SCAPER: variants seen among roughly 807,000 people sequenced by gnomAD.
The protein encoded by SCAPER is S phase cyclin A-associated protein in the endoplasmic reticulum.
In SCAPER, 98 loss-of-function variants were observed where a neutral mutation model predicts 182.2. That is an observed-to-expected ratio of 0.54 (90% CI 0.46 to 0.64). The LOEUF is 0.64. Among genes scored for constraint, SCAPER ranks in the 30% least tolerant of loss-of-function variants. The pLI, the probability that SCAPER is intolerant of heterozygous loss-of-function variation, is 0.00. For missense variants in SCAPER, 1,432 were observed against 1,690.0 expected (o/e 0.85, Z 2.68); for synonymous variants, 605 against 564.6 (o/e 1.07, Z -1.01).
rs1051654453 is a variant in SCAPER, at chr15:76,507,694, G to A, written c.2839-2720C>T. Among the ~76,000 whole-genome samples the A allele has an allele frequency of 9.2e-5, 14 of 152,160 alleles. 2 individuals are homozygous for A. The South Asian group carries it at 2.5e-3, about 27-fold the overall frequency. The stretch of plus-strand genomic sequence containing the variant: ...TCTTAATCATTCAATTGCTCTTTGT[G>A]CACAATAAAATACATTTTGTGACTA... On this transcript the variant is annotated intron_variant, in intron 23 of 31. Coordinates refer to ENST00000563290, the MANE Select transcript of SCAPER (RefSeq NM_020843.4).
chr15:76,378,112 G>A (rs1457301627), intron 28 of SCAPER, among the ~76,000 whole-genome samples: 1 of 152,230 alleles, frequency 6.6e-6, no homozygotes, highest in Non-Finnish European at 1.5e-5. Context: ...ATGGCTCAAA[G>A]TCAGGTCATT....
At chr15:76,424,499 A>G (rs778939687) in intron 26 of SCAPER, among the ~76,000 whole-genome samples, 4 of 151,832 alleles carry the variant, frequency 2.6e-5, no homozygotes, top group Non-Finnish European at 4.4e-5. Context: ...CTTTATTTTG[A>G]GCCTATGTGT....
At chr15:76,386,400 G>C (rs1379217438) in intron 27 of SCAPER, among the ~76,000 whole-genome samples, 7 of 152,262 alleles carry the variant, frequency 4.6e-5, no homozygotes, top group African/African-American at 1.4e-4. Flanking sequence ...CAACTATGTG[G>C]CAAGCCCTAT....
At chr15:76,565,076 C>T (rs1693115522) in intron 23 of SCAPER, among the ~76,000 whole-genome samples, 1 of 152,078 alleles carries the variant, frequency 6.6e-6, no homozygotes, top group Admixed American at 6.6e-5. Context: ...TGGAAGACAA[C>T]CTAGGCAATA....
Position 76,830,143 on chromosome 15 carries a change from T to C in SCAPER, c.393+11591A>G, listed in dbSNP as rs187593268. 5.3e-5 allele frequency among the ~76,000 whole-genome samples: 8 copies of C among 151,530 alleles called. No homozygotes were observed. In the East Asian group the frequency reaches 1.6e-3, roughly 30 times the overall value. ...TGTTCTGGGCGGAAAAATTAGAACA[T>C]GGAAAGGCCAGGAAACATGCAAGGA... On this transcript the variant is annotated intron_variant, in intron 5 of 31. Transcript: ENST00000563290.
chr15:76,810,542 A>G (rs951058250), intron 5 of SCAPER, among the ~76,000 whole-genome samples: 9 of 120,862 alleles, frequency 7.4e-5, no homozygotes, highest in Non-Finnish European at 1.4e-4. Flanking sequence ...GCAATACAAA[A>G]AAAAAAAACC....
intron 17 of SCAPER, among the ~76,000 whole-genome samples, chr15:76,713,937 A>G (rs534650510): frequency 6.6e-6 from 1 of 152,196 alleles, no homozygotes; most frequent in Non-Finnish European, 1.5e-5. Flanking sequence ...ATATGCAAAC[A>G]TCCATATCAG....
At chr15:76,898,748 G>A (rs919069837) in intron 1 of SCAPER, among the ~76,000 whole-genome samples, 2 of 152,204 alleles carry the variant, frequency 1.3e-5, no homozygotes, top group African/African-American at 4.8e-5. Context: ...ATAAGATGGG[G>A]AAGTAGGGAG....
intron 23 of SCAPER, among the ~76,000 whole-genome samples, chr15:76,515,153 A>T (rs1264385588): frequency 6.6e-6 from 1 of 152,208 alleles, no homozygotes; most frequent in Non-Finnish European, 1.5e-5. Context: ...AAGCTTTCTC[A>T]GTATCAGAGG....
chr15:76,495,973 G>A (rs2040463008), intron 24 of SCAPER, among the ~76,000 whole-genome samples: 1 of 145,794 alleles, frequency 6.9e-6, no homozygotes, highest in African/African-American at 2.6e-5. Flanking sequence ...GGGAGAAAGA[G>A]AAAGAAAGCA....
intron 25 of SCAPER, among the ~76,000 whole-genome samples, chr15:76,456,071 G>A (rs895637229): frequency 6.6e-6 from 1 of 152,126 alleles, no homozygotes; most frequent in Non-Finnish European, 1.5e-5. Context: ...GTCTATCATT[G>A]ATGAGCATTT....
intron 23 of SCAPER, among the ~76,000 whole-genome samples, chr15:76,532,063 C>T (rs2043722872): frequency 6.6e-6 from 1 of 151,672 alleles, no homozygotes; most frequent in Non-Finnish European, 1.5e-5. Context: ...ATATTTTTTC[C>T]CCTTCTTTTC....
intron 22 of SCAPER, among the ~76,000 whole-genome samples, chr15:76,583,514 C>T (rs561918640): frequency 3.3e-5 from 5 of 152,236 alleles, no homozygotes; most frequent in African/African-American, 1.2e-4. Context: ...TATTTACAAA[C>T]TATCCATCTG....
intron 26 of SCAPER, among the ~76,000 whole-genome samples, chr15:76,420,352 A>G (rs2045944665): frequency 6.7e-6 from 1 of 149,684 alleles, no homozygotes; most frequent in Admixed American, 6.8e-5. Flanking sequence ...AGCTGGGACT[A>G]CAGATGCACA....
At chr15:76,550,394 T>C (rs920563806) in intron 23 of SCAPER, among the ~76,000 whole-genome samples, 4 of 152,178 alleles carry the variant, frequency 2.6e-5, no homozygotes, top group African/African-American at 7.2e-5. Context: ...CCTTCATGTG[T>C]CCATGTGTTC....
At chr15:76,887,262 G>A (rs12916324) in intron 1 of SCAPER, among the ~76,000 whole-genome samples, 58,132 of 152,046 alleles carry the variant, frequency 0.38, 13,122 homozygotes, top group Middle Eastern at 0.53. Context: ...TGATTTCTGC[G>A]TTTCCAACTG....
At position 76,430,208 on chromosome 15, in the gene SCAPER, G is replaced by A. The variant is rs115999044; in HGVS notation, c.3311+3870C>T. On this transcript the variant is annotated intron_variant, in intron 26 of 31. Transcript: ENST00000563290. Reference sequence around the variant, plus strand: ...GTGCCTAGGCAGAAGTTTGCTGCAGGGGAGGGGCTGTCATGCAGAACCTCT... The same window carrying A: ...GTGCCTAGGCAGAAGTTTGCTGCAGAGGAGGGGCTGTCATGCAGAACCTCT... Among the ~76,000 whole-genome samples, 1,370 of 152,318 alleles carry A rather than the reference G, an allele frequency of 9.0e-3. 22 individuals are homozygous for A. The highest frequency in any genetic ancestry group is 0.032 in the African/African-American group (1,331 of 41,558).
intron 2 of SCAPER, among the ~76,000 whole-genome samples, chr15:76,871,387 G>C (rs12440782): frequency 1 from 140,794 of 140,810 alleles, 70,389 homozygotes; most frequent in Middle Eastern, 1. Flanking sequence ...CCAGCTTGGG[G>C]GACAGAACGA....
intron 17 of SCAPER, among the ~76,000 whole-genome samples, chr15:76,724,937 T>C (rs1015889499): frequency 6.6e-6 from 1 of 152,178 alleles, no homozygotes; most frequent in Non-Finnish European, 1.5e-5. Context: ...GTCAAAGTCA[T>C]TCTCCGTCCA....
Sources: allele counts gnomAD v4.1 joint callset (sites outside exome capture counted in the v4.1 genomes callset), GRCh38; gene constraint gnomAD v4.1.1; transcripts MANE v1.5; gene names NCBI Gene and HGNC (gene_info 2026-07-23, HGNC 2026-07-21).